Variants in PDPK1 observed in about 807,000 individuals in gnomAD.
PDPK1 encodes 3-phosphoinositide-dependent protein kinase 1.
In PDPK1, 7 loss-of-function variants were observed where a neutral mutation model predicts 39.8. The ratio of observed to expected loss-of-function variants is 0.18; its 90% CI spans 0.10 to 0.33. The LOEUF is 0.33. PDPK1 is among the 10% of genes least tolerant of loss of function. The probability of loss-of-function intolerance (pLI) is 1.00; values close to 1 mark genes in which losing one functional copy is unlikely to be tolerated. For missense variants in PDPK1, 182 were observed against 384.7 expected, an observed-to-expected ratio of 0.47 and a Z score of 4.41; for synonymous variants, 118 against 159.1, an observed-to-expected ratio of 0.74 and a Z score of 1.95.
At chr16:2,595,905 C>T in intron 12 of PDPK1, 55 bp downstream of exon 12, 1 of 1,365,028 alleles carries the variant, frequency 7.3e-7, no homozygotes, top group Non-Finnish European at 1.0e-6. Context: ...TTCCCCGACT[C>T]CAGCTTAGGG....
chr16:2,592,427 C>T (rs1374361989), intron 11 of PDPK1: 1 of 269,732 alleles, frequency 3.7e-6, no homozygotes, highest in South Asian at 3.4e-5. Context: ...GGAAAGGGCT[C>T]TCAGGGCAGG....
intron 11 of PDPK1, among the ~76,000 whole-genome samples, chr16:2,587,257 C>A: frequency 6.6e-6 from 1 of 152,112 alleles, no homozygotes. Context: ...CCATTTATGT[C>A]TTCTAAGGTG....
intron 11 of PDPK1, chr16:2,592,606 C>G (rs2067012443): frequency 2.8e-6 from 1 of 361,682 alleles, no homozygotes; most frequent in African/African-American, 2.1e-5. Context: ...ACCCAGGAGG[C>G]AGAGGTTACA....
intron 1 of PDPK1, chr16:2,538,673 A>C: frequency 7.8e-7 from 1 of 1,288,906 alleles, no homozygotes; most frequent in Non-Finnish European, 1.0e-6. Flanking sequence ...GCCAAGGGGC[A>C]TTTGGGTGCT....
In PDPK1 at chr16:2,601,477, T is replaced by C. The variant is rs2067213804; in HGVS notation, c.*3710T>C. 2 of 234,482 alleles carry C rather than the reference T, an allele frequency of 8.5e-6. No individual in the cohort carries two copies. Among genetic ancestry groups the C allele is most frequent in the Admixed American group, 1.1e-4 (2 of 17,788 alleles). The allele number at this position is 234,482 out of a possible 1,614,324, so 14.5% of individuals were successfully genotyped here. A position where few individuals can be genotyped will look rare whatever the true frequency, so the allele number is the denominator to read the frequency against. ...CTTTCAAGCGCTTGGCAGAATCTTG[T>C]ACTTCGTGTCCACAATGGTACTGAA... On this transcript the variant is annotated 3_prime_UTR_variant, in exon 14 of 14. Coordinates refer to ENST00000342085, the MANE Select transcript of PDPK1 (RefSeq NM_002613.5).
At chr16:2,594,827 A>G (rs2142006271) in intron 11 of PDPK1, among the ~76,000 whole-genome samples, 1 of 152,246 alleles carries the variant, frequency 6.6e-6, no homozygotes, top group East Asian at 1.9e-4. Flanking sequence ...CTAAAAATAC[A>G]AAAAAATTAG....
At chr16:2,589,868 T>C (rs2141998478) in intron 11 of PDPK1, among the ~76,000 whole-genome samples, 1 of 152,304 alleles carries the variant, frequency 6.6e-6, no homozygotes, top group African/African-American at 2.4e-5. Context: ...GAAGCTGCAT[T>C]GTAGAGGCTG....
intron 11 of PDPK1, among the ~76,000 whole-genome samples, chr16:2,589,647 C>A (rs893138309): frequency 2.0e-5 from 3 of 150,782 alleles, no homozygotes; most frequent in African/African-American, 7.3e-5. Flanking sequence ...AGAGAGCTTG[C>A]CACTGCCCCC....
rs567915403 is a variant in PDPK1 at position 2,544,606 on chromosome 16, C to T, written c.24+6470C>T. 1.4e-4 allele frequency among the ~76,000 whole-genome samples: 21 copies of T among 151,716 alleles called. No homozygotes were observed. In the East Asian group the frequency reaches 1.5e-3, roughly 11 times the overall value. On this transcript the variant is annotated intron_variant, in intron 1 of 13. Transcript: ENST00000342085. The stretch of plus-strand genomic sequence containing the variant: ...CTCCCCCAAATTTTTTTTTTTGAGA[C>T]GGAGTCTCGCTCTGTCGCCCAAGTT...
At chr16:2,590,684 A>C (rs1315438936) in intron 11 of PDPK1, among the ~76,000 whole-genome samples, 1 of 152,256 alleles carries the variant, frequency 6.6e-6, no homozygotes, top group Non-Finnish European at 1.5e-5. Flanking sequence ...AACTGCCTGT[A>C]TTTATGTCAG....
chr16:2,596,712 A>G (rs2067109187), intron 12 of PDPK1, among the ~76,000 whole-genome samples: 1 of 152,248 alleles, frequency 6.6e-6, no homozygotes, highest in African/African-American at 2.4e-5. Context: ...ACCCTTGGTT[A>G]GAAAATATTC....
intron 10 of PDPK1, among the ~76,000 whole-genome samples, chr16:2,586,440 C>A (rs775085351): frequency 7.9e-5 from 12 of 152,256 alleles, no homozygotes; most frequent in Non-Finnish European, 1.6e-4. Flanking sequence ...AGGCTTCGCC[C>A]CTCTCTGGCC....
chr16:2,545,395 G>A (rs1204437581), intron 1 of PDPK1, among the ~76,000 whole-genome samples: 1 of 151,476 alleles, frequency 6.6e-6, no homozygotes, highest in Non-Finnish European at 1.5e-5. Flanking sequence ...GCAGTGGCAT[G>A]ATCATAGCTC....
chr16:2,586,818 C>G lies in PDPK1; in HGVS notation c.1268C>G (p.Ser423Cys), dbSNP rs765088097. 3.7e-6 allele frequency: 6 copies of G among 1,614,254 alleles called. No homozygotes were observed. The highest frequency in any genetic ancestry group is 4.2e-6 in the Non-Finnish European group (5 of 1,180,042). The stretch of plus-strand genomic sequence containing the variant: ...TACATTCACGATCTGGACTCGAACT[C>G]CTTTGAACTGGACTTACAGTTTTCC... ...EQYIHDLDSN[S>C]FELDLQFSED... The change falls in exon 11 of 14, where the codon TCC (serine) becomes TGC (cysteine). Residue 423 changes from serine (S) to cysteine (C), a missense_variant. Around this residue, in one of 5 missense-constraint regions of PDPK1, gnomAD observed 90 missense variants for 111.9 expected, o/e 0.80. Transcript: ENST00000342085.
At chr16:2,592,718 A>C in intron 11 of PDPK1, 1 of 446,176 alleles carries the variant, frequency 2.2e-6, no homozygotes, top group Non-Finnish European at 4.5e-6. Flanking sequence ...TGCTCACAGC[A>C]AGGAGCTGTT....
At chr16:2,552,680 T>C (rs1372177261) in intron 1 of PDPK1, among the ~76,000 whole-genome samples, 1 of 137,026 alleles carries the variant, frequency 7.3e-6, no homozygotes, top group Admixed American at 7.2e-5. Flanking sequence ...ATGGTGCTTA[T>C]TCTCCCAGCC....
chr16:2,544,219 G>C (rs963415166), intron 1 of PDPK1, among the ~76,000 whole-genome samples: 1 of 152,154 alleles, frequency 6.6e-6, no homozygotes, highest in African/African-American at 2.4e-5. Context: ...GTTACAAAGT[G>C]TTTCTACCTG....
chr16:2,585,265 C>T (rs906468245), intron 10 of PDPK1, among the ~76,000 whole-genome samples: 8 of 152,202 alleles, frequency 5.3e-5, no homozygotes, highest in Non-Finnish European at 8.8e-5. Context: ...TGTTGGCAGC[C>T]GCCTGTTAGA....
In PDPK1 at chr16:2,586,911, TAAGCAA is replaced by T. The variant is rs773920715; in HGVS notation, c.1343+19_1343+24del. 2.5e-6 allele frequency: 4 copies of T among 1,608,002 alleles called. No individual in the cohort carries two copies. In the East Asian group the frequency reaches 8.9e-5, roughly 36 times the overall value. The stretch of plus-strand genomic sequence containing the variant: ...AACCCTTGGTAAGAACTTATGGACA[TAAGCAA>T]TGCTTTTTGCAGAATTGCAGCGTGA... On this transcript the variant is annotated intron_variant, in intron 11 of 13. Transcript: ENST00000342085.
Sources: gnomAD v4.1 joint callset for allele counts (sites outside exome capture counted in the v4.1 genomes callset) on GRCh38, gnomAD v4.1.1 for gene constraint, gnomAD v4.1.1 regional missense constraint, MANE v1.5 for transcripts, NCBI Gene and HGNC (gene_info 2026-07-23, HGNC 2026-07-21) for gene names.